NTRK2: variants seen among roughly 807,000 people sequenced by gnomAD.
NTRK2 encodes neurotrophic receptor tyrosine kinase 2, also known as BDNF/NT-3 growth factors receptor.
In NTRK2, 13 loss-of-function variants were observed where a neutral mutation model predicts 94.5. The observed-to-expected ratio is 0.14, with a 90% CI of 0.09 to 0.22. The LOEUF (loss-of-function observed/expected upper bound fraction) is 0.22. Among genes scored for constraint, NTRK2 ranks in the 10% least tolerant of loss-of-function variants. The probability of loss-of-function intolerance (pLI) is 1.00; values close to 1 mark genes in which losing one functional copy is unlikely to be tolerated. For missense variants in NTRK2, 639 were observed against 1,071.2 expected (o/e 0.60, Z 5.63); for synonymous variants, 372 against 407.4 (o/e 0.91, Z 1.05).
intron 12 of NTRK2, among the ~76,000 whole-genome samples, chr9:84,773,632 C>A (rs866290290): frequency 1.3e-5 from 2 of 152,090 alleles, no homozygotes; most frequent in Non-Finnish European, 2.9e-5. Context: ...TTATGGGGCA[C>A]GTCTGAAGTT....
chr9:84,800,285 C>T (rs1013903062), intron 12 of NTRK2, among the ~76,000 whole-genome samples: 16 of 152,292 alleles, frequency 1.1e-4, no homozygotes, highest in African/African-American at 3.6e-4. Flanking sequence ...CCACTGCAAC[C>T]TGTGCCTCCT....
intron 12 of NTRK2, among the ~76,000 whole-genome samples, chr9:84,849,988 G>A (rs1036533077): frequency 5.3e-5 from 8 of 152,126 alleles, no homozygotes; most frequent in African/African-American, 1.9e-4. Context: ...CACACAGAGT[G>A]CTTAAAATCT....
At chr9:84,899,235 T>C (rs763581124) in intron 14 of NTRK2, among the ~76,000 whole-genome samples, 53 of 152,212 alleles carry the variant, frequency 3.5e-4, no homozygotes, top group Non-Finnish European at 6.9e-4. Context: ...ATTAATTTGC[T>C]TCAGAAAATT....
At chr9:84,797,586 CTATA>C (rs1454219088) in intron 12 of NTRK2, among the ~76,000 whole-genome samples, 1 of 51,496 alleles carries the variant, frequency 1.9e-5, no homozygotes, top group Non-Finnish European at 3.4e-5. Flanking sequence ...ATTATATATA[CTATA>C]TATACTATAT....
intron 14 of NTRK2, among the ~76,000 whole-genome samples, chr9:84,891,218 C>A (rs2132301187): frequency 6.6e-6 from 1 of 152,002 alleles, no homozygotes; most frequent in Non-Finnish European, 1.5e-5. Flanking sequence ...TCATGGAGGA[C>A]TCAAGATGGT....
At chr9:84,878,462 C>A (rs900809962) in intron 14 of NTRK2, among the ~76,000 whole-genome samples, 2 of 151,840 alleles carry the variant, frequency 1.3e-5, no homozygotes, top group Non-Finnish European at 2.9e-5. Flanking sequence ...GGTGAAACCC[C>A]ATCTCTACTA....
intron 17 of NTRK2, among the ~76,000 whole-genome samples, chr9:84,978,189 G>T (rs1827135399): frequency 6.6e-6 from 1 of 152,180 alleles, no homozygotes; most frequent in African/African-American, 2.4e-5. Context: ...ATTAAACTTA[G>T]TAAGGAAGGC....
chr9:84,683,629 T>C (rs145473449), intron 2 of NTRK2, among the ~76,000 whole-genome samples: 1,958 of 152,320 alleles, frequency 0.013, 49 homozygotes, highest in African/African-American at 0.045. Flanking sequence ...TTTGCTATTG[T>C]AAATAGTGCC....
chr9:84,732,307 A>G (rs939293524), intron 9 of NTRK2, among the ~76,000 whole-genome samples: 7 of 152,230 alleles, frequency 4.6e-5, no homozygotes, highest in African/African-American at 1.7e-4. Flanking sequence ...ATTTGAATCA[A>G]CTGGAGACTT....
intron 14 of NTRK2, among the ~76,000 whole-genome samples, 183 bp downstream of exon 14, chr9:84,867,614 G>A (rs2075654613): frequency 6.6e-6 from 1 of 152,172 alleles, no homozygotes. Flanking sequence ...AATTCTCCGG[G>A]TGTGTCTCCT....
At chr9:84,704,176 C>T (rs1306093371) in intron 4 of NTRK2, among the ~76,000 whole-genome samples, 1 of 147,456 alleles carries the variant, frequency 6.8e-6, no homozygotes, top group Non-Finnish European at 1.5e-5. Context: ...ATGAAAGCCA[C>T]TTTGTATATT....
chr9:84,731,298 G>A (rs1297598247), intron 9 of NTRK2, among the ~76,000 whole-genome samples: 9 of 152,202 alleles, frequency 5.9e-5, no homozygotes, highest in African/African-American at 2.2e-4. Context: ...TTAGCTGGAT[G>A]TGGTGTGTGT....
chr9:84,805,568 T>C (rs1211375900), intron 12 of NTRK2, among the ~76,000 whole-genome samples: 1 of 152,264 alleles, frequency 6.6e-6, no homozygotes, highest in Non-Finnish European at 1.5e-5. Context: ...CAGTAGATCC[T>C]GCATTGTGTT....
intron 17 of NTRK2, among the ~76,000 whole-genome samples, chr9:84,981,166 C>T (rs945594319): frequency 5.3e-5 from 8 of 152,148 alleles, no homozygotes; most frequent in Admixed American, 1.3e-4. Context: ...TTGAAACTTC[C>T]GCCTCCTGGG....
At position 85,004,814 on chromosome 9, in the gene NTRK2, G is replaced by A. The variant is rs76864314; in HGVS notation, c.2173-15392G>A. Among the ~76,000 whole-genome samples, 442 of 152,296 alleles carry A rather than the reference G, an allele frequency of 2.9e-3. 1 individual carries two copies. Among genetic ancestry groups the A allele is most frequent in the Non-Finnish European group, 5.5e-3 (371 of 68,028 alleles). On this transcript the variant is annotated intron_variant, in intron 17 of 18. Coordinates refer to ENST00000277120, the MANE Select transcript of NTRK2 (RefSeq NM_006180.6). Reference sequence around the variant, plus strand: ...AGGGTGACCGCCTTAGCAGTGATGTGATCACATAACAGGTAGAATATTGGG... The same window carrying A: ...AGGGTGACCGCCTTAGCAGTGATGTAATCACATAACAGGTAGAATATTGGG...
chr9:84,926,161 C>CTTG (rs2077782785), intron 14 of NTRK2, among the ~76,000 whole-genome samples: 14 of 63,872 alleles, frequency 2.2e-4, no homozygotes, highest in Admixed American at 1.0e-3. Context: ...TTCCTTCCTT[C>CTTG]CTTCCTTCCT....
At chr9:84,770,432 G>T (rs2066441742) in intron 12 of NTRK2, among the ~76,000 whole-genome samples, 1 of 152,082 alleles carries the variant, frequency 6.6e-6, no homozygotes, top group Non-Finnish European at 1.5e-5. Context: ...TTGCAATCTT[G>T]CCTGGCTTCT....
intron 13 of NTRK2, among the ~76,000 whole-genome samples, chr9:84,863,225 G>A (rs748820951): frequency 1.3e-5 from 2 of 152,108 alleles, no homozygotes; most frequent in Non-Finnish European, 2.9e-5. Context: ...GATGAACTTC[G>A]TGATTCTTAT....
intron 12 of NTRK2, chr9:84,811,389 G>A (rs2071770231): frequency 9.4e-7 from 1 of 1,066,006 alleles, no homozygotes; most frequent in Non-Finnish European, 1.1e-6. Context: ...TTTAAGTTAG[G>A]CATAGTCAAT....
Sources: gnomAD v4.1 joint callset for allele counts (sites outside exome capture counted in the v4.1 genomes callset) on GRCh38, gnomAD v4.1.1 for gene constraint, MANE v1.5 for transcripts, NCBI Gene and HGNC (gene_info 2026-07-23, HGNC 2026-07-21) for gene names.